The following MEAF6 variants were observed in gnomAD, a reference collection of about 807,000 sequenced individuals.
MEAF6 encodes MYST/Esa1 associated factor 6, also known as chromatin modification-related protein MEAF6.
Under a neutral mutation model 28.9 loss-of-function variants are expected in MEAF6, and 15 were observed. That is an observed-to-expected ratio of 0.52 (90% CI 0.35 to 0.80). The LOEUF (loss-of-function observed/expected upper bound fraction) is 0.80. Among genes scored for constraint, MEAF6 ranks in the 30% least tolerant of loss-of-function variants. The pLI, the probability that MEAF6 is intolerant of heterozygous loss-of-function variation, is 0.01. For missense variants in MEAF6, 178 were observed against 237.5 expected (o/e 0.75, Z 1.65); for synonymous variants, 97 against 88.7 (o/e 1.09, Z -0.53).
At chr1:37,512,228 C>T (rs1015562757) in intron 2 of MEAF6, among the ~76,000 whole-genome samples, 1 of 152,072 alleles carries the variant, frequency 6.6e-6, no homozygotes, top group African/African-American at 2.4e-5. Flanking sequence ...TACATTGTAC[C>T]AATGTCAATT....
intron 5 of MEAF6, among the ~76,000 whole-genome samples, chr1:37,498,839 C>T (rs1317438312): frequency 6.6e-6 from 1 of 152,080 alleles, no homozygotes; most frequent in Non-Finnish European, 1.5e-5. Flanking sequence ...CTTATGGATG[C>T]TAAAAATTAT....
chr1:37,509,253 G>A (rs200864542), intron 4 of MEAF6, 25 bp downstream of exon 4: 16 of 1,606,432 alleles, frequency 1.0e-5, no homozygotes, highest in African/African-American at 1.3e-5. Flanking sequence ...ATAAACTGAT[G>A]AGAAACATAA....
rs1216667603 is a variant in MEAF6 at position 37,492,035 on chromosome 1, T to TA, written c.*2063_*2064insT. On this transcript the variant is annotated 3_prime_UTR_variant, in exon 7 of 7. Coordinates refer to ENST00000296214, the MANE Select transcript of MEAF6 (RefSeq NM_001270875.3). ...CTCAAACTGTTAAGAGTCAAAAATA[T>TA]TTTTTTTTTTTGAGATGGAGTCTCG... Among the ~76,000 whole-genome samples, 2 of 82,756 alleles carry TA rather than the reference T, an allele frequency of 2.4e-5. No individual in the cohort carries two copies. Among genetic ancestry groups the TA allele is most frequent in the Non-Finnish European group, 5.8e-5 (2 of 34,488 alleles). The allele number at this position is 82,756 out of a possible 152,430, so 54.3% of individuals were successfully genotyped here. A position where few individuals can be genotyped will look rare whatever the true frequency, so the allele number is the denominator to read the frequency against.
chr1:37,495,572 C>G (rs1056349429), intron 6 of MEAF6, among the ~76,000 whole-genome samples: 2 of 150,428 alleles, frequency 1.3e-5, no homozygotes, highest in Non-Finnish European at 3.0e-5. Flanking sequence ...GTGGCATGTA[C>G]CTGTATTCCC....
At position 37,493,258 on chromosome 1, in the gene MEAF6, T is replaced by C. The variant is rs963611311; in HGVS notation, c.*841A>G. ...AAAAAGAAATTTCCATAAGGCATGA[T>C]ATGAATAAATAAGTGAAAAAACAAT... On this transcript the variant is annotated 3_prime_UTR_variant, in exon 7 of 7. Transcript: ENST00000296214. 1.3e-5 allele frequency: 2 copies of C among 152,828 alleles called. No homozygotes were observed. Among genetic ancestry groups the C allele is most frequent in the African/African-American group, 4.8e-5 (2 of 41,496 alleles). The allele number at this position is 152,828 out of a possible 1,614,324, so 9.5% of individuals were successfully genotyped here.
intron 5 of MEAF6, chr1:37,500,950 C>A (rs993410175): frequency 6.5e-6 from 1 of 154,110 alleles, no homozygotes; most frequent in African/African-American, 2.4e-5. Context: ...TTCTAGGAGG[C>A]ATGGAAACAG....
At chr1:37,499,757 A>T (rs1642237172) in intron 5 of MEAF6, among the ~76,000 whole-genome samples, 2 of 152,264 alleles carry the variant, frequency 1.3e-5, no homozygotes, top group East Asian at 1.9e-4. Flanking sequence ...GGAAGGAGAT[A>T]GCTCCTAGGA....
At position 37,492,445 on chromosome 1, in the gene MEAF6, T is replaced by C. The variant is rs1464853284; in HGVS notation, c.*1654A>G. The stretch of plus-strand genomic sequence containing the variant: ...CCAACAGACAAAAAATACAGAATGC[T>C]TCTAGGATTTTTTTTTTTAAGGAAT... On this transcript the variant is annotated 3_prime_UTR_variant, in exon 7 of 7. Transcript: ENST00000296214. 6.6e-6 allele frequency: 1 copy of C among 151,654 alleles called. No individual in the cohort carries two copies. The highest frequency in any genetic ancestry group is 1.5e-5 in the Non-Finnish European group (1 of 67,942). The allele number at this position is 151,654 out of a possible 1,614,324, so 9.4% of individuals were successfully genotyped here. A position where few individuals can be genotyped will look rare whatever the true frequency, so the allele number is the denominator to read the frequency against.
At chr1:37,507,789 C>T (rs1339747686) in intron 4 of MEAF6, among the ~76,000 whole-genome samples, 1 of 150,604 alleles carries the variant, frequency 6.6e-6, no homozygotes, top group Non-Finnish European at 1.5e-5. Context: ...CGTGCCACTG[C>T]ACTCCAGCCT....
At chr1:37,514,496 G>C (rs942792579) in intron 1 of MEAF6, 161 bp downstream of exon 1, 1 of 406,336 alleles carries the variant, frequency 2.5e-6, no homozygotes, top group South Asian at 6.5e-5. Context: ...CTGAACCGCC[G>C]GCGGGCCGCA....
chr1:37,514,524 C>T (rs1569996370), intron 1 of MEAF6, 133 bp downstream of exon 1: 1 of 550,430 alleles, frequency 1.8e-6, no homozygotes, highest in African/African-American at 2.0e-5. Flanking sequence ...CACCCGGCCT[C>T]AGGCCGCCGA....
Position 37,501,949 on chromosome 1 carries a change from T to C in MEAF6, c.388A>G (p.Asn130Asp). The change falls in exon 5 of 7, where the codon AAT (asparagine) becomes GAT (aspartate). Residue 130 changes from asparagine to aspartate, a missense_variant. Transcript: ENST00000296214. ...TESDTSPDFHNQENEPSQEDP... is the reference protein window; with the variant it reads ...TESDTSPDFHDQENEPSQEDP... Reference sequence around the variant, plus strand: ...TCCTGGCTGGGCTCATTTTCCTGATTGTGGAAGTCTGGAGAAGTGTCACTT... The same window carrying C: ...TCCTGGCTGGGCTCATTTTCCTGATCGTGGAAGTCTGGAGAAGTGTCACTT... 6.2e-7 allele frequency: 1 copy of C among 1,610,430 alleles called. No homozygotes were observed. Among genetic ancestry groups the C allele is most frequent in the South Asian group, 1.1e-5 (1 of 90,790 alleles).
Position 37,496,600 on chromosome 1 carries a change from C to A in MEAF6, c.534-682G>T, listed in dbSNP as rs1197187455. 3 of 1,520,142 alleles carry A rather than the reference C, an allele frequency of 2.0e-6. No homozygotes were observed. The Admixed American group carries it at 6.3e-5, about 32-fold the overall frequency. The allele number at this position is 1,520,142 out of a possible 1,614,324, so 94.2% of individuals were successfully genotyped here. On this transcript the variant is annotated intron_variant, in intron 5 of 6. Coordinates refer to ENST00000296214, the MANE Select transcript of MEAF6 (RefSeq NM_001270875.3). Reference sequence around the variant, plus strand: ...AAACTTCCCAGCCTAACCTAATATACATACCTACAATTAAACAGATAAACT... The same window carrying A: ...AAACTTCCCAGCCTAACCTAATATAAATACCTACAATTAAACAGATAAACT...
chr1:37,506,240 C>T (rs1642478250), intron 4 of MEAF6, among the ~76,000 whole-genome samples: 1 of 150,380 alleles, frequency 6.6e-6, no homozygotes, highest in Admixed American at 6.7e-5. Flanking sequence ...CACTGCACTC[C>T]AGCCTGGGCA....
chr1:37,491,362 G>A lies in MEAF6; in HGVS notation c.*2737C>T, dbSNP rs1024939262. Reference sequence around the variant, plus strand: ...TCCACTAAAAATACAAAACTTAGATGGGCATGGTGGTGCATGCCTGTAGTC... The same window carrying A: ...TCCACTAAAAATACAAAACTTAGATAGGCATGGTGGTGCATGCCTGTAGTC... On this transcript the variant is annotated 3_prime_UTR_variant, in exon 7 of 7. Coordinates refer to ENST00000296214, the MANE Select transcript of MEAF6 (RefSeq NM_001270875.3). Among the ~76,000 whole-genome samples, 28 of 152,140 alleles carry A rather than the reference G, an allele frequency of 1.8e-4. No individual in the cohort carries two copies. The highest frequency in any genetic ancestry group is 6.8e-4 in the African/African-American group (28 of 41,470).
intron 3 of MEAF6, 46 bp from the exon 4 acceptor site, chr1:37,509,369 A>C: frequency 6.2e-7 from 1 of 1,608,516 alleles, no homozygotes; most frequent in Non-Finnish European, 8.5e-7. Context: ...CACAGACCTC[A>C]GAAGAGCACT....
intron 5 of MEAF6, among the ~76,000 whole-genome samples, chr1:37,498,523 C>A (rs1461162411): frequency 3.3e-5 from 5 of 151,736 alleles, no homozygotes; most frequent in Non-Finnish European, 7.4e-5. Flanking sequence ...CTCCTGGGCT[C>A]AAGCAATCCT....
rs567180024 is a variant in MEAF6 at position 37,514,720 on chromosome 1, C to G, written c.27G>C (p.Pro9=). 9 of 1,528,350 alleles carry G rather than the reference C, an allele frequency of 5.9e-6. No homozygotes were observed. In the East Asian group the frequency reaches 2.5e-4, roughly 42 times the overall value. The allele number at this position is 1,528,350 out of a possible 1,614,324, so 94.7% of individuals were successfully genotyped here. MAMHNKAA[P]PQIPDTRREL... ...CCCGCCGGGTGTCCGGGATCTGCGG[C>G]GGCGCCGCCTTGTTGTGCATCGCCA... The change falls in exon 1 of 7, where the codon CCG becomes CCC. Residue 9 remains proline, a synonymous_variant. Transcript: ENST00000296214.
chr1:37,509,402 A>G lies in MEAF6; in HGVS notation c.294+53T>C. ...ACTCCCAGAGGAAGGTAAAGAAAAA[A>G]CACATTCCCCAACAACAGGCCAAAG... On this transcript the variant is annotated intron_variant, in intron 3 of 6. Transcript: ENST00000296214. The G allele has an allele frequency of 2.5e-6, 4 of 1,608,510 alleles. No individual in the cohort carries two copies. The Admixed American group carries it at 6.7e-5, about 27-fold the overall frequency.
Sources: gnomAD v4.1 joint callset for allele counts (sites outside exome capture counted in the v4.1 genomes callset) on GRCh38, gnomAD v4.1.1 for gene constraint, MANE v1.5 for transcripts, NCBI Gene and HGNC (gene_info 2026-07-23, HGNC 2026-07-21) for gene names.